Variants in PRKG1 observed in about 807,000 individuals in gnomAD.
PRKG1 encodes cGMP-dependent protein kinase 1.
In PRKG1, 35 loss-of-function variants were observed where a neutral mutation model predicts 88.1. That is an observed-to-expected ratio of 0.40 (90% CI 0.30 to 0.53). The LOEUF (loss-of-function observed/expected upper bound fraction) is 0.53. Among genes scored for constraint, PRKG1 ranks in the 20% least tolerant of loss-of-function variants. The probability of loss-of-function intolerance (pLI) is 0.59; values close to 1 mark genes in which losing one functional copy is unlikely to be tolerated. For missense variants in PRKG1, 540 were observed against 839.8 expected, an observed-to-expected ratio of 0.64 and a Z score of 4.41; for synonymous variants, 303 against 292.5, an observed-to-expected ratio of 1.04 and a Z score of -0.37.
At chr10:51,816,198 G>A (rs760797062) in intron 4 of PRKG1, among the ~76,000 whole-genome samples, 15 of 152,114 alleles carry the variant, frequency 9.9e-5, no homozygotes, top group Non-Finnish European at 2.1e-4. Context: ...ACACAGATAA[G>A]CCCTGTTTAG....
rs1201953393 is a variant in PRKG1, at chr10:51,048,352, G to A, written c.266+56708G>A. 2.7e-5 allele frequency among the ~76,000 whole-genome samples: 4 copies of A among 149,634 alleles called. No individual in the cohort carries two copies. The Admixed American group carries it at 2.7e-4, about 10-fold the overall frequency. ...TCCCTTTCTTCCTTGTGCTTGTATA[G>A]TATTTTAACACCATTGTTCAATTAC... On this transcript the variant is annotated intron_variant, in intron 1 of 17. Coordinates refer to the PRKG1 transcript ENST00000401604.
chr10:51,395,511 G>A (rs1034702526), intron 2 of PRKG1, among the ~76,000 whole-genome samples: 4 of 96,630 alleles, frequency 4.1e-5, no homozygotes, highest in African/African-American at 1.5e-4. Flanking sequence ...TATGCAAAGA[G>A]AGCTGTCTCT....
intron 4 of PRKG1, among the ~76,000 whole-genome samples, chr10:51,814,391 A>G (rs1384825421): frequency 6.6e-6 from 1 of 152,084 alleles, no homozygotes; most frequent in African/African-American, 2.4e-5. Context: ...AAGAGATGGG[A>G]AAGAGAAGGT....
intron 9 of PRKG1, among the ~76,000 whole-genome samples, chr10:52,239,889 G>T (rs188537165): frequency 7.9e-5 from 12 of 152,136 alleles, no homozygotes; most frequent in Non-Finnish European, 1.6e-4. Flanking sequence ...CTTCACTCCT[G>T]TGATTTGTGG....
intron 5 of PRKG1, among the ~76,000 whole-genome samples, chr10:52,038,554 G>A (rs900151529): frequency 3.9e-5 from 6 of 152,066 alleles, no homozygotes; most frequent in East Asian, 1.9e-4. Context: ...CGCTAAGAGT[G>A]AAGGAGAAGG....
intron 2 of PRKG1, among the ~76,000 whole-genome samples, chr10:51,326,578 T>A (rs1841598734): frequency 6.6e-6 from 1 of 152,194 alleles, no homozygotes; most frequent in Admixed American, 6.5e-5. Context: ...GCATTTTAAG[T>A]TTGCTAGCTT....
intron 2 of PRKG1, among the ~76,000 whole-genome samples, chr10:51,220,098 T>C (rs1799454836): frequency 6.6e-6 from 1 of 152,166 alleles, no homozygotes; most frequent in Admixed American, 6.5e-5. Flanking sequence ...AAGAAGGATT[T>C]GATGTGCTGT....
chr10:52,077,100 T>G (rs1406478227), intron 7 of PRKG1, among the ~76,000 whole-genome samples: 1 of 151,984 alleles, frequency 6.6e-6, no homozygotes, highest in Non-Finnish European at 1.5e-5. Context: ...TACAAAGACT[T>G]GTACAAAAAT....
At chr10:51,148,949 T>C (rs184798958) in intron 1 of PRKG1, among the ~76,000 whole-genome samples, 215 of 152,296 alleles carry the variant, frequency 1.4e-3, no homozygotes, top group African/African-American at 3.8e-3. Flanking sequence ...CTCTTTATTG[T>C]AGTCTTCAAG....
intron 7 of PRKG1, among the ~76,000 whole-genome samples, chr10:52,113,853 A>C (rs1847624616): frequency 6.6e-6 from 1 of 152,146 alleles, no homozygotes; most frequent in South Asian, 2.1e-4. Context: ...TAAGCTACAA[A>C]TTGTATCTAT....
chr10:51,236,591 C>A (rs942604433), intron 2 of PRKG1, among the ~76,000 whole-genome samples: 2 of 151,798 alleles, frequency 1.3e-5, no homozygotes, highest in African/African-American at 4.8e-5. Context: ...CAACCTCTAC[C>A]TCCTAGGTTT....
intron 5 of PRKG1, among the ~76,000 whole-genome samples, chr10:52,012,405 C>A (rs1230233081): frequency 6.6e-6 from 1 of 152,056 alleles, no homozygotes; most frequent in African/African-American, 2.4e-5. Flanking sequence ...CCACTCCTGG[C>A]TAATTTTTTT....
At chr10:51,343,437 C>T (rs1272368119) in intron 2 of PRKG1, among the ~76,000 whole-genome samples, 1 of 151,832 alleles carries the variant, frequency 6.6e-6, no homozygotes, top group Non-Finnish European at 1.5e-5. Context: ...TTTTGACTGC[C>T]CAATGTATAT....
At chr10:51,175,505 T>C (rs1434298196) in intron 2 of PRKG1, among the ~76,000 whole-genome samples, 2 of 152,070 alleles carry the variant, frequency 1.3e-5, no homozygotes, top group African/African-American at 4.8e-5. Context: ...TTATCTGTTG[T>C]CAAATTGATT....
intron 1 of PRKG1, among the ~76,000 whole-genome samples, chr10:51,061,206 GA>G (rs1843689023): frequency 6.6e-6 from 1 of 152,126 alleles, no homozygotes; most frequent in Non-Finnish European, 1.5e-5. Flanking sequence ...AGTCATGGTG[GA>G]AGACGAAGGA....
chr10:52,293,398 T>C (rs12258054), intron 17 of PRKG1, among the ~76,000 whole-genome samples: 21,673 of 150,650 alleles, frequency 0.14, 2,242 homozygotes, highest in African/African-American at 0.27. Context: ...CTTCACAGAA[T>C]TGGAAAAAAC....
At chr10:51,688,917 C>T (rs969725322) in intron 3 of PRKG1, among the ~76,000 whole-genome samples, 1 of 152,000 alleles carries the variant, frequency 6.6e-6, no homozygotes, top group Non-Finnish European at 1.5e-5. Context: ...GTGGGAGGTA[C>T]CTGGTGGGAG....
intron 4 of PRKG1, among the ~76,000 whole-genome samples, chr10:51,885,375 A>T (rs1474358155): frequency 6.6e-6 from 1 of 152,234 alleles, no homozygotes; most frequent in Non-Finnish European, 1.5e-5. Context: ...AGATAAAATT[A>T]CCTTATAATG....
At chr10:51,716,100 G>A (rs1457650676) in intron 3 of PRKG1, among the ~76,000 whole-genome samples, 1 of 152,114 alleles carries the variant, frequency 6.6e-6, no homozygotes, top group African/African-American at 2.4e-5. Flanking sequence ...CCTTCTCCTG[G>A]TGAAATGAAA....
Sources: allele counts gnomAD v4.1 joint callset (sites outside exome capture counted in the v4.1 genomes callset), GRCh38; gene constraint gnomAD v4.1.1; transcripts MANE v1.5; gene names NCBI Gene and HGNC (gene_info 2026-07-23, HGNC 2026-07-21).